Variants in SYNDIG1 observed in about 807,000 individuals in gnomAD.
SYNDIG1 encodes the protein synapse differentiation-inducing gene protein 1.
SYNDIG1 carries 9 observed loss-of-function variants against 19.4 expected under a neutral mutation model. The observed-to-expected ratio is 0.46, with a 90% CI of 0.28 to 0.81. SYNDIG1 has a LOEUF of 0.81. SYNDIG1 is among the 30% of genes least tolerant of loss of function. The probability of loss-of-function intolerance (pLI) is 0.12; values close to 1 mark genes in which losing one functional copy is unlikely to be tolerated. For synonymous variants in SYNDIG1, 141 were observed against 145.9 expected (o/e 0.97, Z 0.24); for missense variants, 311 against 343.3 (o/e 0.91, Z 0.74).
chr20:24,476,352 A>T (rs907723320), intron 1 of SYNDIG1, among the ~76,000 whole-genome samples: 1 of 152,052 alleles, frequency 6.6e-6, no homozygotes, highest in African/African-American at 2.4e-5. Context: ...TCTGCCCTTC[A>T]TTATTATCCT....
chr20:24,549,836 G>A (rs1424868540), intron 2 of SYNDIG1, among the ~76,000 whole-genome samples: 1 of 152,192 alleles, frequency 6.6e-6, no homozygotes, highest in Non-Finnish European at 1.5e-5. Flanking sequence ...GAAGGATACT[G>A]GAGTGGGAAG....
rs1004644997 is a variant in SYNDIG1 at position 24,571,510 on chromosome 20, G to GTA, written c.481-13337_481-13336dup. On this transcript the variant is annotated intron_variant, in intron 2 of 3. Coordinates refer to ENST00000376862, the MANE Select transcript of SYNDIG1 (RefSeq NM_024893.3). ...ATACACACACACAATATTTCAAAGTGTATATATATAACTTATACATATATA... is the reference window on the plus strand; with the variant it reads ...ATACACACACACAATATTTCAAAGTGTATATATATATAACTTATACATATATA... Among the ~76,000 whole-genome samples, 15 of 152,054 alleles carry GTA rather than the reference G, an allele frequency of 9.9e-5. No individual in the cohort carries two copies. In the South Asian group the frequency reaches 1.2e-3, roughly 13 times the overall value.
chr20:24,543,701 A>G, intron 2 of SYNDIG1, 124 bp downstream of exon 2: 1 of 1,369,588 alleles, frequency 7.3e-7, no homozygotes, highest in South Asian at 1.3e-5. Flanking sequence ...TGCAGAAACC[A>G]AAGGCAGTCT....
In SYNDIG1 at chr20:24,646,206, G is replaced by A. The variant is rs183074159; in HGVS notation, c.619-19140G>A. Among the ~76,000 whole-genome samples, 389 of 152,290 alleles carry A rather than the reference G, an allele frequency of 2.6e-3. 3 individuals are homozygous for A. The highest frequency in any genetic ancestry group is 8.9e-3 in the African/African-American group (369 of 41,566). ...GTTCCTCCAATGCCTAGAGGACTGT[G>A]GACAGACCAGGGAACATGCACACAT... On this transcript the variant is annotated intron_variant, in intron 3 of 3. Coordinates refer to ENST00000376862, the MANE Select transcript of SYNDIG1 (RefSeq NM_024893.3).
intron 1 of SYNDIG1, among the ~76,000 whole-genome samples, chr20:24,540,191 T>A (rs940244018): frequency 2.0e-5 from 3 of 152,224 alleles, no homozygotes; most frequent in Non-Finnish European, 2.9e-5. Flanking sequence ...TTTTAAAAAA[T>A]TTCTTTTCAG....
rs534111480 is a variant in SYNDIG1, at chr20:24,537,994, C to T, written c.-78-5026C>T. Among the ~76,000 whole-genome samples, 29 of 152,280 alleles carry T rather than the reference C, an allele frequency of 1.9e-4. No homozygotes were observed. In the East Asian group the frequency reaches 2.7e-3, roughly 14 times the overall value. On this transcript the variant is annotated intron_variant, in intron 1 of 3. Coordinates refer to ENST00000376862, the MANE Select transcript of SYNDIG1 (RefSeq NM_024893.3). ...TATCCAGATGATTTTAAACAAGTCC[C>T]AGACAGTGTATCTTTTATTTCATCT...
intron 3 of SYNDIG1, among the ~76,000 whole-genome samples, chr20:24,591,245 T>A (rs2058507556): frequency 6.6e-6 from 1 of 151,534 alleles, no homozygotes; most frequent in South Asian, 2.1e-4. Context: ...AAAAAAAAAA[T>A]TAGCTGAGCG....
At chr20:24,597,968 T>C (rs974553302) in intron 3 of SYNDIG1, among the ~76,000 whole-genome samples, 1 of 152,118 alleles carries the variant, frequency 6.6e-6, no homozygotes, top group Admixed American at 6.5e-5. Context: ...ACAATTTGGG[T>C]TATATAATAA....
At chr20:24,472,950 C>T (rs2055512331) in intron 1 of SYNDIG1, among the ~76,000 whole-genome samples, 1 of 152,176 alleles carries the variant, frequency 6.6e-6, no homozygotes, top group Admixed American at 6.5e-5. Flanking sequence ...GTTTTATGTC[C>T]TGTCACCCAT....
intron 2 of SYNDIG1, among the ~76,000 whole-genome samples, chr20:24,583,508 G>T (rs1275113694): frequency 6.6e-6 from 1 of 152,242 alleles, no homozygotes; most frequent in Non-Finnish European, 1.5e-5. Flanking sequence ...TCTGGAATAA[G>T]ATGGGCGCCA....
intron 1 of SYNDIG1, among the ~76,000 whole-genome samples, chr20:24,476,834 A>C (rs1294746409): frequency 1.3e-5 from 2 of 152,146 alleles, no homozygotes; most frequent in Non-Finnish European, 2.9e-5. Context: ...GTCCCACTAA[A>C]GTAGCCTGGA....
intron 1 of SYNDIG1, among the ~76,000 whole-genome samples, chr20:24,530,811 G>GTTT (rs374193810): frequency 7.1e-6 from 1 of 141,698 alleles, no homozygotes. Context: ...TGGGTTTTTT[G>GTTT]TTTTTTTTTT....
At chr20:24,540,646 A>G (rs998435370) in intron 1 of SYNDIG1, among the ~76,000 whole-genome samples, 11 of 152,314 alleles carry the variant, frequency 7.2e-5, no homozygotes, top group Admixed American at 2.6e-4. Flanking sequence ...TTCTATGTCA[A>G]TAGAGATAAT....
At chr20:24,636,963 T>C (rs1051251610) in intron 3 of SYNDIG1, among the ~76,000 whole-genome samples, 3 of 152,240 alleles carry the variant, frequency 2.0e-5, no homozygotes, top group African/African-American at 2.4e-5. Flanking sequence ...CAAGTTGCAA[T>C]TGAGGCCTTG....
chr20:24,489,470 C>G (rs866323937), intron 1 of SYNDIG1, among the ~76,000 whole-genome samples: 14 of 151,632 alleles, frequency 9.2e-5, no homozygotes, highest in Middle Eastern at 3.4e-3. Flanking sequence ...CAGACACATA[C>G]GTGCATGGAC....
At chr20:24,637,064 T>A (rs1048520533) in intron 3 of SYNDIG1, among the ~76,000 whole-genome samples, 3 of 152,204 alleles carry the variant, frequency 2.0e-5, no homozygotes, top group African/African-American at 7.2e-5. Flanking sequence ...GCAAGGCAGT[T>A]CCCTGCAGCC....
chr20:24,651,254 G>A (rs1376747456), intron 3 of SYNDIG1, among the ~76,000 whole-genome samples: 1 of 152,104 alleles, frequency 6.6e-6, no homozygotes, highest in Admixed American at 6.5e-5. Flanking sequence ...CCTTACCAGG[G>A]CCATTCCCCA....
intron 1 of SYNDIG1, among the ~76,000 whole-genome samples, chr20:24,532,279 G>A (rs998127942): frequency 1.3e-5 from 2 of 152,210 alleles, no homozygotes; most frequent in South Asian, 2.1e-4. Flanking sequence ...ACACAGTGCA[G>A]TGCTTCCGTA....
intron 3 of SYNDIG1, among the ~76,000 whole-genome samples, chr20:24,630,981 T>G (rs1164519334): frequency 6.6e-6 from 1 of 152,258 alleles, no homozygotes; most frequent in African/African-American, 2.4e-5. Context: ...TGAGCTGGCT[T>G]GGCTGCTGAT....
Sources: allele counts gnomAD v4.1 joint callset (sites outside exome capture counted in the v4.1 genomes callset), GRCh38; gene constraint gnomAD v4.1.1; transcripts MANE v1.5; gene names NCBI Gene and HGNC (gene_info 2026-07-23, HGNC 2026-07-21).